EEA1: variants seen among roughly 807,000 people sequenced by gnomAD.
EEA1 encodes the protein early endosome antigen 1, 162kD.
A neutral mutation model predicts 209.2 loss-of-function variants in EEA1; 111 were observed. The ratio of observed to expected loss-of-function variants is 0.53; its 90% CI spans 0.45 to 0.62. The LOEUF (loss-of-function observed/expected upper bound fraction) is 0.62. Ranked by LOEUF, EEA1 falls within the 20% of genes least tolerant of loss-of-function variation. The pLI, the probability that EEA1 is intolerant of heterozygous loss-of-function variation, is 0.00. For synonymous variants in EEA1, 536 were observed against 540.6 expected (o/e 0.99, Z 0.12); for missense variants, 1,343 against 1,530.8 (o/e 0.88, Z 2.05).
At chr12:92,779,093 T>A (rs1219470407) in intron 25 of EEA1, 22 bp downstream of exon 25, 1 of 1,583,050 alleles carries the variant, frequency 6.3e-7, no homozygotes, top group East Asian at 2.3e-5. Flanking sequence ...CAAAACACAC[T>A]TCCCCCGATT....
Position 92,778,011 on chromosome 12 carries a change from G to C in EEA1, c.3823C>G (p.Arg1275Gly), listed in dbSNP as rs759399764. 4 of 1,613,210 alleles carry C rather than the reference G, an allele frequency of 2.5e-6. No individual in the cohort carries two copies. Among genetic ancestry groups the C allele is most frequent in the South Asian group, 1.1e-5 (1 of 91,064 alleles). The change falls in exon 26 of 29, where the codon CGG becomes GGG. Residue 1275 changes from arginine (R) to glycine (G), a missense_variant. Physicochemically the swap from Arg to Gly is moderately radical, Grantham distance 125. Transcript: ENST00000322349. The part of the protein sequence containing the change: ...SELEKQTDDL[R>G]GEIAVLEATV... Reference sequence around the variant, plus strand: ...GCTTCTAATACTGCAATTTCACCCCGTAAGTCATCCGTTTGTTTCTCAAGC... The same window carrying C: ...GCTTCTAATACTGCAATTTCACCCCCTAAGTCATCCGTTTGTTTCTCAAGC...
chr12:92,896,455 G>A (rs978973641), intron 1 of EEA1, among the ~76,000 whole-genome samples: 4 of 152,080 alleles, frequency 2.6e-5, no homozygotes, highest in Non-Finnish European at 5.9e-5. Flanking sequence ...GCAGCTTTTC[G>A]GAGGATTGAC....
intron 1 of EEA1, among the ~76,000 whole-genome samples, chr12:92,912,449 G>A (rs535813846): frequency 3.9e-5 from 6 of 152,296 alleles, no homozygotes; most frequent in African/African-American, 1.4e-4. Flanking sequence ...CTTGTTGCTG[G>A]AAACTCCTCT....
At chr12:92,819,655 T>C in intron 13 of EEA1, 144 bp from the exon 14 acceptor site, 2 of 533,214 alleles carry the variant, frequency 3.8e-6, no homozygotes, top group Non-Finnish European at 6.4e-6. Flanking sequence ...TATGGTAAAT[T>C]TAGTTAAGTA....
chr12:92,852,446 AT>A, intron 7 of EEA1, 150 bp from the exon 8 acceptor site: 1 of 479,854 alleles, frequency 2.1e-6, no homozygotes. Flanking sequence ...TATACTTCTA[AT>A]TACATGAAAT....
chr12:92,863,639 T>C (rs1878243843), intron 3 of EEA1, among the ~76,000 whole-genome samples: 2 of 152,224 alleles, frequency 1.3e-5, no homozygotes, highest in Non-Finnish European at 2.9e-5. Flanking sequence ...ATTCATAAAC[T>C]GTTATAGTTT....
intron 1 of EEA1, among the ~76,000 whole-genome samples, chr12:92,895,133 ATTTTTTTTTTTTTTTTTTTTTTTT>A (rs537064468): frequency 1.1e-5 from 1 of 95,116 alleles, no homozygotes; most frequent in East Asian, 3.1e-4. Flanking sequence ...GGATCACTGA[ATTTTTTTTTTTTTTTTTTTTTTTT>A]TTTTTTTTTT....
rs1184849900 is a variant in EEA1 at position 92,929,061 on chromosome 12, T to G, written c.6A>C (p.Leu2Phe). 7 of 1,594,024 alleles carry G rather than the reference T, an allele frequency of 4.4e-6. No individual in the cohort carries two copies. Among genetic ancestry groups the G allele is most frequent in the Admixed American group, 1.7e-5 (1 of 57,638 alleles). M[L>F]RRILQRTPGR... ...CTCTTACCCTCTGTAAAATCCTCCT[T>G]AACATGGTTTAACCACCACCCGGCG... The change falls in exon 1 of 29, where the codon TTA (leucine) becomes TTC (phenylalanine). Residue 2 changes from leucine (L) to phenylalanine (F), a missense_variant. Around this residue, in one of 3 missense-constraint regions of EEA1, gnomAD observed 1,307 missense variants for 1,465.5 expected, o/e 0.89. Transcript: ENST00000322349.
intron 26 of EEA1, 21 bp from the exon 27 acceptor site, chr12:92,777,684 G>C (rs1312358871): frequency 1.9e-6 from 3 of 1,602,948 alleles, no homozygotes; most frequent in Non-Finnish European, 2.6e-6. Flanking sequence ...TTGCAAAGAG[G>C]TAATTAATTT....
At chr12:92,804,147 C>T (rs1875070042) in intron 18 of EEA1, among the ~76,000 whole-genome samples, 1 of 151,980 alleles carries the variant, frequency 6.6e-6, no homozygotes, top group South Asian at 2.1e-4. Context: ...GCCACTCCAC[C>T]CAATAACACA....
intron 5 of EEA1, among the ~76,000 whole-genome samples, chr12:92,855,896 T>C (rs1484191477): frequency 6.6e-6 from 1 of 152,202 alleles, no homozygotes; most frequent in Admixed American, 6.5e-5. Context: ...CCATACTCAA[T>C]TAATTATTAA....
At chr12:92,864,717 G>T (rs1165870163) in intron 3 of EEA1, 143 bp downstream of exon 3, 1 of 754,394 alleles carries the variant, frequency 1.3e-6, no homozygotes, top group Non-Finnish European at 1.9e-6. Flanking sequence ...AACAATAGTG[G>T]AGGAAGGATA....
In EEA1 at chr12:92,776,959, T is replaced by G; in HGVS notation, c.4015-17A>C. The G allele has an allele frequency of 6.2e-7, 1 of 1,603,560 alleles. No individual in the cohort carries two copies. Among genetic ancestry groups the G allele is most frequent in the South Asian group, 1.1e-5 (1 of 90,828 alleles). ...ATGTTTGATCTGTTTTTTAAAGAAGTATCGATATATTATAGTATTCAACAT... is the reference window on the plus strand; with the variant it reads ...ATGTTTGATCTGTTTTTTAAAGAAGGATCGATATATTATAGTATTCAACAT... On this transcript the variant is annotated splice_polypyrimidine_tract_variant and intron_variant, in intron 27 of 28. Coordinates refer to ENST00000322349, the MANE Select transcript of EEA1 (RefSeq NM_003566.4).
chr12:92,783,290 G>A (rs763108762), intron 22 of EEA1, among the ~76,000 whole-genome samples: 6 of 152,204 alleles, frequency 3.9e-5, no homozygotes, highest in Non-Finnish European at 7.3e-5. Context: ...AAGACACACA[G>A]TTGGTGTCTG....
At position 92,857,288 on chromosome 12, in the gene EEA1, C is replaced by T. The variant is rs1877923263; in HGVS notation, c.353G>A (p.Gly118Glu). ...AAAAGCAATTACTTGCTGCTGCAGC[C>T]CTTGATATTTTTCTAATTCCTTCTT... ...ELKKELEKYQ[G>E]LQQQEAKPDG... The change falls in exon 5 of 29, where the codon GGG (glycine) becomes GAG (glutamate). Residue 118 changes from glycine (G) to glutamate (E), a missense_variant. Gly to Glu is a moderately conservative substitution (Grantham distance 98, BLOSUM62 -2). Around this residue, in one of 3 missense-constraint regions of EEA1, gnomAD observed 1,307 missense variants for 1,465.5 expected, o/e 0.89. Transcript: ENST00000322349. 3 of 1,586,720 alleles carry T rather than the reference C, an allele frequency of 1.9e-6. No homozygotes were observed. Among genetic ancestry groups the T allele is most frequent in the Non-Finnish European group, 2.6e-6 (3 of 1,169,802 alleles).
intron 16 of EEA1, among the ~76,000 whole-genome samples, chr12:92,812,551 T>C (rs974578741): frequency 2.0e-5 from 3 of 152,164 alleles, no homozygotes; most frequent in Non-Finnish European, 4.4e-5. Flanking sequence ...AGGTAGAATA[T>C]ACAGTGTTCT....
intron 2 of EEA1, among the ~76,000 whole-genome samples, chr12:92,875,899 C>T (rs1306696100): frequency 3.3e-5 from 5 of 152,074 alleles, no homozygotes; most frequent in Admixed American, 6.5e-5. Context: ...ATACTTGCCC[C>T]AGAAATCCAC....
intron 13 of EEA1, among the ~76,000 whole-genome samples, chr12:92,825,446 CA>C (rs1876249460): frequency 1.4e-5 from 2 of 142,886 alleles, no homozygotes; most frequent in African/African-American, 5.2e-5. Flanking sequence ...GGCGAAAGAG[CA>C]ACACTCCGTC....
intron 21 of EEA1, among the ~76,000 whole-genome samples, chr12:92,798,345 A>ATTTTTTTT (rs202235633): frequency 6.7e-6 from 1 of 149,488 alleles, no homozygotes; most frequent in Non-Finnish European, 1.5e-5. Context: ...CATTATTATT[A>ATTTTTTTT]TTATTATTTT....
Sources: allele counts gnomAD v4.1 joint callset (sites outside exome capture counted in the v4.1 genomes callset), GRCh38; gene constraint gnomAD v4.1.1; regional missense constraint gnomAD v4.1.1; transcripts MANE v1.5; gene names NCBI Gene and HGNC (gene_info 2026-07-23, HGNC 2026-07-21).